The following PTPRO variants were observed in gnomAD, a reference collection of about 807,000 sequenced individuals.
PTPRO encodes receptor-type tyrosine-protein phosphatase O.
A neutral mutation model predicts 145.2 loss-of-function variants in PTPRO; 62 were observed. The ratio of observed to expected loss-of-function variants is 0.43; its 90% CI spans 0.35 to 0.53. The LOEUF (loss-of-function observed/expected upper bound fraction) is 0.53. Ranked by LOEUF, PTPRO falls within the 20% of genes least tolerant of loss-of-function variation. The pLI is 0.01. For missense variants in PTPRO, 1,345 were observed against 1,482.7 expected (o/e 0.91, Z 1.53); for synonymous variants, 565 against 514.7 (o/e 1.10, Z -1.32).
At chr12:15,513,623 T>G (rs565394848) in intron 7 of PTPRO, among the ~76,000 whole-genome samples, 83 of 152,314 alleles carry the variant, frequency 5.4e-4, no homozygotes, top group Non-Finnish European at 8.7e-4. Flanking sequence ...CAGTTCTGTA[T>G]GAATCCTTAA....
intron 2 of PTPRO, among the ~76,000 whole-genome samples, chr12:15,493,961 T>C (rs901103554): frequency 1.3e-5 from 2 of 152,068 alleles, no homozygotes; most frequent in Non-Finnish European, 2.9e-5. Flanking sequence ...GTATCAAGAG[T>C]GATAAATCTT....
At chr12:15,324,315 G>C (rs1417487165) in intron 1 of PTPRO, among the ~76,000 whole-genome samples, 3 of 152,204 alleles carry the variant, frequency 2.0e-5, no homozygotes, top group African/African-American at 7.2e-5. Context: ...GCAGGTTTTT[G>C]CGTGAGTTCT....
chr12:15,501,892 G>C lies in PTPRO; in HGVS notation c.934G>C (p.Glu312Gln), dbSNP rs1942229316. The C allele has an allele frequency of 1.2e-6, 2 of 1,613,976 alleles. No homozygotes were observed. Among genetic ancestry groups the C allele is most frequent in the Admixed American group, 3.3e-5 (2 of 60,000 alleles). ...ATCTGCAGCTCCTGAAAGTGAAGAT[G>C]AATTTGTCAGCGTACTTCCCATGGA... ...SASAAPESEDEFVSVLPMEYE... is the reference protein window; with the variant it reads ...SASAAPESEDQFVSVLPMEYE... Residue 312 changes from glutamate to glutamine, a missense_variant, in exon 5 of 27, where the codon GAA becomes CAA. Coordinates refer to ENST00000281171, the MANE Select transcript of PTPRO (RefSeq NM_030667.3).
chr12:15,471,418 G>A (rs1331371460), intron 1 of PTPRO, among the ~76,000 whole-genome samples: 1 of 152,060 alleles, frequency 6.6e-6, no homozygotes, highest in Non-Finnish European at 1.5e-5. Context: ...AAATCCCACA[G>A]GAGTAGAGAA....
intron 1 of PTPRO, among the ~76,000 whole-genome samples, chr12:15,466,759 C>T (rs1941426901): frequency 6.6e-6 from 1 of 152,130 alleles, no homozygotes; most frequent in South Asian, 2.1e-4. Flanking sequence ...TCATATTCAG[C>T]CCTATTTGTC....
At chr12:15,402,119 G>A (rs1328415109) in intron 1 of PTPRO, among the ~76,000 whole-genome samples, 1 of 152,208 alleles carries the variant, frequency 6.6e-6, no homozygotes, top group African/African-American at 2.4e-5. Context: ...GCCGGGCACA[G>A]TGGCTCATGC....
In PTPRO at chr12:15,484,146, T is replaced by C. The variant is rs1456481119; in HGVS notation, c.248T>C (p.Ile83Thr). 2 of 1,613,734 alleles carry C rather than the reference T, an allele frequency of 1.2e-6. No individual in the cohort carries two copies. Among genetic ancestry groups the C allele is most frequent in the Non-Finnish European group, 1.7e-6 (2 of 1,179,820 alleles). The change falls in exon 2 of 27, where the codon ATT becomes ACT. Residue 83 changes from isoleucine to threonine, a missense_variant. Physicochemically the swap from Ile to Thr is moderately conservative, Grantham distance 89 (BLOSUM62 -1). Coordinates refer to ENST00000281171, the MANE Select transcript of PTPRO (RefSeq NM_030667.3). ...AACAGCACTTTGCCTCCTCCTGTTATTTTCAAGGCCAGTTATCATGGCCTT... is the reference window on the plus strand; with the variant it reads ...AACAGCACTTTGCCTCCTCCTGTTACTTTCAAGGCCAGTTATCATGGCCTT... ...EFNSTLPPPV[I>T]FKASYHGLYY...
intron 1 of PTPRO, among the ~76,000 whole-genome samples, chr12:15,433,140 G>C (rs1484990086): frequency 1.4e-5 from 2 of 147,918 alleles, no homozygotes; most frequent in Non-Finnish European, 3.0e-5. Context: ...GTACTGCCTA[G>C]GTTGTCTTTC....
intron 1 of PTPRO, among the ~76,000 whole-genome samples, chr12:15,328,829 T>A (rs1866524641): frequency 6.6e-6 from 1 of 152,236 alleles, no homozygotes; most frequent in South Asian, 2.1e-4. Flanking sequence ...ACTATTTCTA[T>A]CTTAATGAAA....
Position 15,580,751 on chromosome 12 carries a change from A to AGTGCCT in PTPRO, c.3053_3054insTGCCTG (p.Arg1018delinsSerAlaTer). On this transcript the variant is annotated stop_gained and protein_altering_variant, in exon 22 of 27. Transcript: ENST00000281171. LOFTEE classifies it high-confidence loss of function. ...CACCCAGGGGCCACTGCCTGAAACC[A>AGTGCCT]GAAATGACTTCTGGAAGATGGTCCT... 6.2e-7 allele frequency: 1 copy of AGTGCCT among 1,614,112 alleles called. No homozygotes were observed.
At chr12:15,548,946 G>A (rs1460440854) in intron 13 of PTPRO, 148 bp from the exon 14 acceptor site, 7 of 890,114 alleles carry the variant, frequency 7.9e-6, no homozygotes, top group Non-Finnish European at 1.2e-5. Flanking sequence ...GGGGAATGGG[G>A]AAAAAAGGAA....
intron 1 of PTPRO, among the ~76,000 whole-genome samples, chr12:15,451,731 T>G (rs1026713522): frequency 1.3e-5 from 2 of 152,222 alleles, no homozygotes; most frequent in Admixed American, 6.5e-5. Flanking sequence ...TTAAATAACC[T>G]GCTCCTGAAT....
chr12:15,375,691 G>T (rs1489311837), intron 1 of PTPRO, among the ~76,000 whole-genome samples: 1 of 150,780 alleles, frequency 6.6e-6, no homozygotes, highest in Non-Finnish European at 1.5e-5. Context: ...GGGAGGCAGA[G>T]GTTGCAATGA....
At chr12:15,531,661 CA>C (rs1044652179) in intron 12 of PTPRO, among the ~76,000 whole-genome samples, 1 of 152,154 alleles carries the variant, frequency 6.6e-6, no homozygotes, top group Non-Finnish European at 1.5e-5. Flanking sequence ...TGGATTGACA[CA>C]AAGTTGTGTG....
chr12:15,492,006 T>C (rs941877349), intron 2 of PTPRO, among the ~76,000 whole-genome samples: 1 of 152,170 alleles, frequency 6.6e-6, no homozygotes, highest in Non-Finnish European at 1.5e-5. Context: ...GAGACACATA[T>C]TCATCTTACT....
At position 15,380,959 on chromosome 12, in the gene PTPRO, G is replaced by T. The variant is rs1938843335; in HGVS notation, c.75+58158G>T. On this transcript the variant is annotated intron_variant, in intron 1 of 26. Coordinates refer to ENST00000281171, the MANE Select transcript of PTPRO (RefSeq NM_030667.3). ...TACTATATAGAATAGCAGTATAAAAGAATATAATCACTGAAAGACTAATTT... is the reference window on the plus strand; with the variant it reads ...TACTATATAGAATAGCAGTATAAAATAATATAATCACTGAAAGACTAATTT... Among the ~76,000 whole-genome samples the T allele has an allele frequency of 5.3e-5, 8 of 152,228 alleles. No homozygotes were observed. The South Asian group carries it at 1.7e-3, about 32-fold the overall frequency.
At chr12:15,357,164 A>G (rs1270792564) in intron 1 of PTPRO, among the ~76,000 whole-genome samples, 1 of 152,250 alleles carries the variant, frequency 6.6e-6, no homozygotes, top group Non-Finnish European at 1.5e-5. Context: ...CTGCTGAAAT[A>G]CACTAATAAT....
chr12:15,385,749 T>C (rs1591763897), intron 1 of PTPRO, among the ~76,000 whole-genome samples: 1 of 146,700 alleles, frequency 6.8e-6, no homozygotes, highest in Admixed American at 6.9e-5. Flanking sequence ...GAGGTGGAGG[T>C]TGCAGTGAGC....
chr12:15,368,366 C>T (rs1362290228), intron 1 of PTPRO, among the ~76,000 whole-genome samples: 1 of 152,188 alleles, frequency 6.6e-6, no homozygotes, highest in Admixed American at 6.5e-5. Context: ...GTAATTAAAC[C>T]ATCTCCATAT....
Sources: allele counts gnomAD v4.1 joint callset (sites outside exome capture counted in the v4.1 genomes callset), GRCh38; gene constraint gnomAD v4.1.1; transcripts MANE v1.5; gene names NCBI Gene and HGNC (gene_info 2026-07-23, HGNC 2026-07-21).